The following DDX17 variants were observed in gnomAD, a reference collection of about 807,000 sequenced individuals.
DDX17 encodes the protein DEAD-box helicase 17.
In DDX17, 10 loss-of-function variants were observed where a neutral mutation model predicts 80.8. That is an observed-to-expected ratio of 0.12 (90% CI 0.08 to 0.21). The LOEUF (loss-of-function observed/expected upper bound fraction) is 0.21, where lower values mean the gene tolerates loss of function less well. DDX17 is among the 10% of genes least tolerant of loss of function. The pLI, the probability that DDX17 is intolerant of heterozygous loss-of-function variation, is 1.00. For missense variants in DDX17, 586 were observed against 957.4 expected, an observed-to-expected ratio of 0.61 and a Z score of 5.12; for synonymous variants, 339 against 336.2, an observed-to-expected ratio of 1.01 and a Z score of -0.09.
chr22:38,495,748 T>C (rs2089757588), intron 6 of DDX17, 48 bp downstream of exon 6: 1 of 1,393,714 alleles, frequency 7.2e-7, no homozygotes, highest in African/African-American at 1.5e-5. Context: ...CCACAGGAAT[T>C]GGTAAAGTAA....
At position 38,505,958 on chromosome 22, in the gene DDX17, G is replaced by A; in HGVS notation, c.280C>T (p.Arg94Cys). The change falls in exon 1 of 13, where the codon CGT becomes TGT. Residue 94 changes from arginine (R) to cysteine (C), a missense_variant. By Grantham distance (180) the Arg-to-Cys change is radical. Around this residue, in one of 4 missense-constraint regions of DDX17, gnomAD observed 215 missense variants for 238.4 expected, o/e 0.90. Transcript: ENST00000403230. ...CTCCTCCCCCACCCTTACCCTCCACGGTCACGATCCCGGTCCCGGTCCCCA... is the reference window on the plus strand; with the variant it reads ...CTCCTCCCCCACCCTTACCCTCCACAGTCACGATCCCGGTCCCGGTCCCCA... The A allele has an allele frequency of 3.5e-6, 5 of 1,438,830 alleles. No individual in the cohort carries two copies. The highest frequency in any genetic ancestry group is 1.9e-6 in the Non-Finnish European group (2 of 1,078,090). 89.1% of individuals were successfully genotyped at this position (1,438,830 alleles called of 1,614,324 possible). A position where few individuals can be genotyped will look rare whatever the true frequency, so the allele number is the denominator to read the frequency against.
rs1008140707 is a variant in DDX17, at chr22:38,489,452, G to A, written c.1448-1337C>T. On this transcript the variant is annotated intron_variant, in intron 11 of 12. Coordinates refer to ENST00000403230, the MANE Select transcript of DDX17 (RefSeq NM_006386.5). This position sits in a 1 kb window ranked among gnomAD's most constrained non-coding sequence, Gnocchi z 4.6. ...TAGCCCCATTTGGTTGCCAAGCGCC[G>A]GAGAACCTGGGTTCGGGTAAAAATT... The A allele has an allele frequency of 9.1e-6, 9 of 985,566 alleles. No homozygotes were observed. Among genetic ancestry groups the A allele is most frequent in the East Asian group, 1.1e-4 (1 of 8,826 alleles). The allele number at this position is 985,566 out of a possible 1,614,324, so 61.1% of individuals were successfully genotyped here.
intron 5 of DDX17, among the ~76,000 whole-genome samples, chr22:38,497,660 C>G (rs1383644268): frequency 6.7e-6 from 1 of 148,574 alleles, no homozygotes; most frequent in East Asian, 2.0e-4. Flanking sequence ...GACGCAGTGG[C>G]TCATGCCTGT....
At chr22:38,493,667 AG>A (rs778079822) in intron 10 of DDX17, 42 bp downstream of exon 10, 12 of 1,446,062 alleles carry the variant, frequency 8.3e-6, no homozygotes, top group Non-Finnish European at 1.2e-5. Flanking sequence ...ACTTATGGGC[AG>A]GGGGTGGGGA....
At position 38,492,132 on chromosome 22, in the gene DDX17, T is replaced by A. The variant is rs751203171; in HGVS notation, c.1388-17A>T. 4 of 1,601,836 alleles carry A rather than the reference T, an allele frequency of 2.5e-6. No homozygotes were observed. Among genetic ancestry groups the A allele is most frequent in the Admixed American group, 1.7e-5 (1 of 58,186 alleles). ...AACGGAACTCTGTAAAAACAAACAATAATCATCATCAAATAAGCATTCCTT... is the reference window on the plus strand; with the variant it reads ...AACGGAACTCTGTAAAAACAAACAAAAATCATCATCAAATAAGCATTCCTT... On this transcript the variant is annotated splice_polypyrimidine_tract_variant and intron_variant, in intron 10 of 12. Transcript: ENST00000403230.
At position 38,483,664 on chromosome 22, in the gene DDX17, G is replaced by C. The variant is rs2089624133; in HGVS notation, c.*2271C>G. ...CCAAGCAAAAGCCACTAACCTTTTAGATGAGAAGTCCACACAACGAATTGT... is the reference window on the plus strand; with the variant it reads ...CCAAGCAAAAGCCACTAACCTTTTACATGAGAAGTCCACACAACGAATTGT... On this transcript the variant is annotated 3_prime_UTR_variant, in exon 13 of 13. Coordinates refer to ENST00000403230, the MANE Select transcript of DDX17 (RefSeq NM_006386.5). 6.6e-6 allele frequency: 1 copy of C among 152,622 alleles called. No homozygotes were observed. The highest frequency in any genetic ancestry group is 1.5e-5 in the Non-Finnish European group (1 of 68,056). The allele number at this position is 152,622 out of a possible 1,614,324, so 9.5% of individuals were successfully genotyped here. A position where few individuals can be genotyped will look rare whatever the true frequency, so the allele number is the denominator to read the frequency against.
At chr22:38,494,859 A>C (rs756407990) in intron 7 of DDX17, 27 bp downstream of exon 7, 12 of 1,613,856 alleles carry the variant, frequency 7.4e-6, no homozygotes. Flanking sequence ...AATGGCATAA[A>C]GACTGCTTAT....
At chr22:38,501,062 A>C (rs2089825632) in intron 2 of DDX17, 68 bp downstream of exon 2, 1 of 1,544,442 alleles carries the variant, frequency 6.5e-7, no homozygotes, top group Non-Finnish European at 8.7e-7. Flanking sequence ...GTAGCGTATG[A>C]ATAAACTCTA....
chr22:38,488,470 C>A, intron 11 of DDX17: 1 of 1,131,862 alleles, frequency 8.8e-7, no homozygotes, highest in South Asian at 2.3e-5. Flanking sequence ...CTTTACAAAA[C>A]CAGAACATAG....
At chr22:38,494,554 C>G in intron 8 of DDX17, 76 bp downstream of exon 8, 1 of 1,404,060 alleles carries the variant, frequency 7.1e-7, no homozygotes, top group South Asian at 1.3e-5. Context: ...ATACTGGTTT[C>G]TACAGTACTA....
At chr22:38,488,724 G>A in intron 11 of DDX17, 2 of 986,470 alleles carry the variant, frequency 2.0e-6, no homozygotes, top group Non-Finnish European at 2.4e-6. Context: ...AAGCTGTTAA[G>A]TACACACCTA....
At chr22:38,502,462 T>G (rs1348220074) in intron 1 of DDX17, among the ~76,000 whole-genome samples, 2 of 152,028 alleles carry the variant, frequency 1.3e-5, no homozygotes, top group African/African-American at 2.4e-5. Flanking sequence ...TCCTTCTTCT[T>G]TGATCTCTAC....
At chr22:38,490,413 G>A (rs2089701646) in intron 11 of DDX17, 2 of 1,289,360 alleles carry the variant, frequency 1.6e-6, no homozygotes, top group Non-Finnish European at 2.0e-6. Context: ...TGTATTGAGT[G>A]ATCTGCAGCT....
At position 38,489,549 on chromosome 22, in the gene DDX17, G is replaced by A. The variant is rs1170540189; in HGVS notation, c.1448-1434C>T. On this transcript the variant is annotated intron_variant, in intron 11 of 12. Transcript: ENST00000403230. This position sits in a 1 kb window ranked among gnomAD's most constrained non-coding sequence, Gnocchi z 4.6. ...AAAAAAATAATTAATAAAAAAAAAT[G>A]TAAGTTACATCCAAAGGGTCAGACT... 14 of 984,452 alleles carry A rather than the reference G, an allele frequency of 1.4e-5. No individual in the cohort carries two copies. Among genetic ancestry groups the A allele is most frequent in the African/African-American group, 1.8e-5 (1 of 57,098 alleles). The allele number at this position is 984,452 out of a possible 1,614,324, so 61.0% of individuals were successfully genotyped here.
In DDX17 at chr22:38,484,372, C is replaced by T. The variant is rs559363645; in HGVS notation, c.*1563G>A. 6 of 152,326 alleles carry T rather than the reference C, an allele frequency of 3.9e-5. No homozygotes were observed. The South Asian group carries it at 1.2e-3, about 32-fold the overall frequency. The allele number at this position is 152,326 out of a possible 1,614,324, so 9.4% of individuals were successfully genotyped here. A position where few individuals can be genotyped will look rare whatever the true frequency, so the allele number is the denominator to read the frequency against. On this transcript the variant is annotated 3_prime_UTR_variant, in exon 13 of 13. Coordinates refer to ENST00000403230, the MANE Select transcript of DDX17 (RefSeq NM_006386.5). ...CCTACCTGTATGTTGCACATTGAAT[C>T]ATACTTTCAGAACCCCTCAGAAACC...
In DDX17 at chr22:38,483,707, A is replaced by G. The variant is rs989198381; in HGVS notation, c.*2228T>C. On this transcript the variant is annotated 3_prime_UTR_variant, in exon 13 of 13. Transcript: ENST00000403230. ...CGAATTGTTAGGGAGGATTGGGGAG[A>G]AGCAGCCCATTGCTTAATACATTGG... 5.9e-5 allele frequency: 9 copies of G among 152,450 alleles called. No individual in the cohort carries two copies. The highest frequency in any genetic ancestry group is 2.2e-4 in the African/African-American group (9 of 41,452). 9.4% of individuals were successfully genotyped at this position (152,450 alleles called of 1,614,324 possible).
chr22:38,506,255 C>T lies in DDX17; in HGVS notation c.-18G>A. 2 of 1,585,664 alleles carry T rather than the reference C, an allele frequency of 1.3e-6. No homozygotes were observed. Among genetic ancestry groups the T allele is most frequent in the Non-Finnish European group, 1.7e-6 (2 of 1,168,440 alleles). On this transcript the variant is annotated 5_prime_UTR_variant, in exon 1 of 13. Transcript: ENST00000403230. ...GTGGGCAGGTTTGGCTACGCTCAAA[C>T]CGGGCAGTGCCGCGGTTTAGGCGTC... is the stretch of plus-strand genomic sequence containing the variant.
At chr22:38,486,765 G>C (rs1004607855) in intron 12 of DDX17, among the ~76,000 whole-genome samples, 1 of 152,174 alleles carries the variant, frequency 6.6e-6, no homozygotes, top group African/African-American at 2.4e-5. Flanking sequence ...AACTGTAGAT[G>C]CAACTGCTAT....
At position 38,486,325 on chromosome 22, in the gene DDX17, T is replaced by C. The variant is rs182741592; in HGVS notation, c.1800A>G (p.Ala600=). ...CGGTTTCACTACGATCCCGATAGCT[T>C]GCAGAGTCTCTCCGGCCACCATCCT... Residue 600 remains alanine, a synonymous_variant, in exon 13 of 13, where the codon GCA becomes GCG. Transcript: ENST00000403230. 117 of 1,614,190 alleles carry C rather than the reference T, an allele frequency of 7.2e-5. No homozygotes were observed. In the East Asian group the frequency reaches 2.5e-3, roughly 35 times the overall value.
Sources: gnomAD v4.1 joint callset for allele counts (sites outside exome capture counted in the v4.1 genomes callset) on GRCh38, gnomAD v4.1.1 for gene constraint, gnomAD v4.1.1 regional missense constraint, Gnocchi (gnomAD v3.1) non-coding constraint, MANE v1.5 for transcripts, NCBI Gene and HGNC (gene_info 2026-07-23, HGNC 2026-07-21) for gene names.